The following GRIN3A variants were observed in gnomAD, a reference collection of about 807,000 sequenced individuals.
The protein encoded by GRIN3A is glutamate ionotropic receptor NMDA type subunit 3A.
A neutral mutation model predicts 92.4 loss-of-function variants in GRIN3A; 47 were observed. The observed-to-expected ratio is 0.51, with a 90% CI of 0.40 to 0.65. The LOEUF (loss-of-function observed/expected upper bound fraction) is 0.65. Ranked by LOEUF, GRIN3A falls within the 30% of genes least tolerant of loss-of-function variation. GRIN3A has a pLI of 0.00. For synonymous variants in GRIN3A, 527 were observed against 540.6 expected, an observed-to-expected ratio of 0.97 and a Z score of 0.35; for missense variants, 1,324 against 1,393.1, an observed-to-expected ratio of 0.95 and a Z score of 0.79.
At chr9:101,582,666 G>A (rs981504961) in intron 6 of GRIN3A, among the ~76,000 whole-genome samples, 11 of 152,168 alleles carry the variant, frequency 7.2e-5, no homozygotes, top group Non-Finnish European at 1.2e-4. Flanking sequence ...ATAATATGAA[G>A]GATTCAGTGA....
chr9:101,666,631 T>C (rs1023695026), intron 3 of GRIN3A, among the ~76,000 whole-genome samples: 1 of 152,024 alleles, frequency 6.6e-6, no homozygotes, highest in Admixed American at 6.6e-5. Flanking sequence ...CATGTACCCC[T>C]AAACTTAAAT....
chr9:101,673,293 T>C (rs893550998), intron 2 of GRIN3A, among the ~76,000 whole-genome samples: 1 of 152,138 alleles, frequency 6.6e-6, no homozygotes, highest in Non-Finnish European at 1.5e-5. Flanking sequence ...AACCTATTAC[T>C]GATTATTGGT....
chr9:101,661,243 A>G (rs1052736485), intron 3 of GRIN3A, among the ~76,000 whole-genome samples: 11 of 151,862 alleles, frequency 7.2e-5, no homozygotes, highest in African/African-American at 2.4e-4. Flanking sequence ...CTCATGTCTG[A>G]AATATTCTCA....
chr9:101,623,505 G>A lies in GRIN3A; in HGVS notation c.2499-72C>T, dbSNP rs996282801. On this transcript the variant is annotated intron_variant, in intron 4 of 8. Coordinates refer to ENST00000361820, the MANE Select transcript of GRIN3A (RefSeq NM_133445.3). The stretch of plus-strand genomic sequence containing the variant: ...GAAGGAAGCATGAAGGCTGACAGCC[G>A]GCTTTTGTTTAGGGGACAGAACCCG... 192 of 1,130,940 alleles carry A rather than the reference G, an allele frequency of 1.7e-4. No homozygotes were observed. In the African/African-American group the frequency reaches 2.3e-3, roughly 13 times the overall value. 70.1% of individuals were successfully genotyped at this position (1,130,940 alleles called of 1,614,324 possible).
intron 1 of GRIN3A, among the ~76,000 whole-genome samples, chr9:101,691,650 GC>G (rs1829622678): frequency 6.6e-6 from 1 of 152,138 alleles, no homozygotes; most frequent in African/African-American, 2.4e-5. Context: ...AATGGTTGGA[GC>G]CACCATCTGC....
rs756439380 is a variant in GRIN3A at position 101,671,079 on chromosome 9, G to A, written c.1333C>T (p.Leu445Phe). Residue 445 changes from leucine to phenylalanine, a missense_variant, in exon 3 of 9, where the codon CTC (leucine) becomes TTC (phenylalanine). Leu to Phe is a conservative substitution (Grantham distance 22). Transcript: ENST00000361820. ...RFLANTTFRG[L>F]SGSIRVKGST... ...CCTTTTACTCTGATGGAACCACTGA[G>A]GCCTCTGAAAGTGGTATTGGCTAGA... 1 of 1,613,708 alleles carries A rather than the reference G, an allele frequency of 6.2e-7. No individual in the cohort carries two copies. The highest frequency in any genetic ancestry group is 8.5e-7 in the Non-Finnish European group (1 of 1,179,670).
At chr9:101,727,702 T>C (rs1221568780) in intron 1 of GRIN3A, among the ~76,000 whole-genome samples, 1 of 151,800 alleles carries the variant, frequency 6.6e-6, no homozygotes, top group Admixed American at 6.6e-5. Context: ...GAAGATCTTT[T>C]TGGTGAATTA....
chr9:101,612,608 T>A (rs1057143696), intron 6 of GRIN3A, among the ~76,000 whole-genome samples: 1 of 152,124 alleles, frequency 6.6e-6, no homozygotes, highest in Non-Finnish European at 1.5e-5. Flanking sequence ...GTTTTTTTTT[T>A]AAATTGTCAG....
At chr9:101,687,488 A>C (rs1829554087) in intron 1 of GRIN3A, among the ~76,000 whole-genome samples, 1 of 152,200 alleles carries the variant, frequency 6.6e-6, no homozygotes, top group Admixed American at 6.6e-5. Flanking sequence ...AGTTTTGTCA[A>C]GCTTGTCTAC....
intron 1 of GRIN3A, among the ~76,000 whole-genome samples, chr9:101,694,689 TA>T (rs946121700): frequency 1.3e-5 from 2 of 152,252 alleles, no homozygotes; most frequent in Admixed American, 6.5e-5. Context: ...TTTTGGGGCT[TA>T]AAAAATGCCA....
intron 1 of GRIN3A, among the ~76,000 whole-genome samples, chr9:101,693,278 G>A (rs1434553468): frequency 4.7e-5 from 7 of 149,734 alleles, no homozygotes; most frequent in East Asian, 4.0e-4. Flanking sequence ...TATATTGCAC[G>A]GAGGGGTCAC....
chr9:101,662,863 G>A (rs1176263448), intron 3 of GRIN3A, among the ~76,000 whole-genome samples: 1 of 151,722 alleles, frequency 6.6e-6, no homozygotes, highest in East Asian at 1.9e-4. Context: ...AACTTTTGTT[G>A]CTACACTGAA....
At chr9:101,666,001 G>GTCACC (rs1213616752) in intron 3 of GRIN3A, among the ~76,000 whole-genome samples, 3 of 151,816 alleles carry the variant, frequency 2.0e-5, no homozygotes, top group African/African-American at 7.3e-5. Flanking sequence ...GATTCCCATA[G>GTCACC]TCACCTCAGA....
chr9:101,708,880 A>G (rs890881675), intron 1 of GRIN3A, among the ~76,000 whole-genome samples: 19 of 152,246 alleles, frequency 1.2e-4, no homozygotes, highest in Admixed American at 4.6e-4. Flanking sequence ...ACATATGAAT[A>G]TGTCATAGGA....
chr9:101,636,525 A>G lies in GRIN3A; in HGVS notation c.2353-8124T>C, dbSNP rs12339890. On this transcript the variant is annotated intron_variant, in intron 3 of 8. Transcript: ENST00000361820. ...CACAAAACTGGAATATGGCAGATCAAGGACATGAATCCAGAAACCTGAGAA... is the reference window on the plus strand; with the variant it reads ...CACAAAACTGGAATATGGCAGATCAGGGACATGAATCCAGAAACCTGAGAA... Among the ~76,000 whole-genome samples, 1,355 of 152,332 alleles carry G rather than the reference A, an allele frequency of 8.9e-3. 25 individuals carry two copies. Among genetic ancestry groups the G allele is most frequent in the African/African-American group, 0.031 (1,301 of 41,574 alleles).
chr9:101,686,826 A>G lies in GRIN3A; in HGVS notation c.1074T>C (p.Asp358=). 1.2e-6 allele frequency: 2 copies of G among 1,614,178 alleles called. No homozygotes were observed. Among genetic ancestry groups the G allele is most frequent in the Non-Finnish European group, 1.7e-6 (2 of 1,180,036 alleles). ...MPPELRWVLG[D]SQNVEELRTE... ...TCCTCAGTTCCTCCACATTCTGGGA[A>G]TCTCCCAGCACCCAACGAAGTTCAG... The change falls in exon 2 of 9, where the codon GAT becomes GAC. Residue 358 remains aspartate, a synonymous_variant. Coordinates refer to ENST00000361820, the MANE Select transcript of GRIN3A (RefSeq NM_133445.3).
intron 1 of GRIN3A, among the ~76,000 whole-genome samples, chr9:101,729,175 A>T (rs1425225515): frequency 2.6e-5 from 4 of 152,170 alleles, no homozygotes; most frequent in African/African-American, 9.6e-5. Flanking sequence ...GGTGGGCCAG[A>T]TCCCTTTCTA....
intron 4 of GRIN3A, among the ~76,000 whole-genome samples, chr9:101,627,498 C>A (rs569462122): frequency 6.6e-6 from 1 of 152,286 alleles, no homozygotes; most frequent in Admixed American, 6.5e-5. Context: ...TGATGCTGCA[C>A]AATTCTAGGA....
intron 1 of GRIN3A, among the ~76,000 whole-genome samples, chr9:101,730,225 G>T (rs773950077): frequency 7.2e-5 from 11 of 152,052 alleles, no homozygotes; most frequent in Admixed American, 2.0e-4. Flanking sequence ...ACTCTAAGTG[G>T]GACTTCAAAA....
Sources: gnomAD v4.1 joint callset for allele counts (sites outside exome capture counted in the v4.1 genomes callset) on GRCh38, gnomAD v4.1.1 for gene constraint, MANE v1.5 for transcripts, NCBI Gene and HGNC (gene_info 2026-07-23, HGNC 2026-07-21) for gene names.